The following KLRG1 variants were observed in gnomAD, a reference collection of about 807,000 sequenced individuals.
KLRG1 encodes the protein killer cell lectin like receptor G1, also known as killer cell lectin-like receptor subfamily G member 1.
KLRG1 carries 16 observed loss-of-function variants against 21.8 expected under a neutral mutation model. The ratio of observed to expected loss-of-function variants is 0.73; its 90% CI spans 0.50 to 1.11. The LOEUF is 1.11. KLRG1 is among the 50% of genes most tolerant of loss of function. KLRG1 has a pLI of 0.00. For missense variants in KLRG1, 173 were observed against 218.3 expected, an observed-to-expected ratio of 0.79 and a Z score of 1.31; for synonymous variants, 69 against 75.9, an observed-to-expected ratio of 0.91 and a Z score of 0.47.
At chr12:9,112,173 G>A in the KLRG1 span, 2 of 1,613,708 alleles carry the variant, frequency 1.2e-6, no homozygotes, top group Non-Finnish European at 1.7e-6. Flanking sequence ...TCATTCAGGG[G>A]GTGAAAGTTT....
At chr12:8,973,571 A>G (rs1946607441) in intron 1 of KLRG1, among the ~76,000 whole-genome samples, 1 of 152,238 alleles carries the variant, frequency 6.6e-6, no homozygotes, top group Non-Finnish European at 1.5e-5. Flanking sequence ...TTGGACTTCC[A>G]GAGAATATGA....
the KLRG1 span, among the ~76,000 whole-genome samples, chr12:9,162,110 C>T: frequency 3.3e-5 from 5 of 152,110 alleles, no homozygotes; most frequent in Non-Finnish European, 7.4e-5. Flanking sequence ...TACAGGCGCC[C>T]GCCACCAGGC....
chr12:8,964,114 T>C (rs1487363803), intron 1 of KLRG1, among the ~76,000 whole-genome samples: 1 of 152,230 alleles, frequency 6.6e-6, no homozygotes. Context: ...TCTAGTTCTT[T>C]TAGTTGTGAT....
At chr12:8,954,893 A>G (rs747106874) in intron 1 of KLRG1, among the ~76,000 whole-genome samples, 9 of 152,168 alleles carry the variant, frequency 5.9e-5, no homozygotes, top group Non-Finnish European at 1.3e-4. Flanking sequence ...GGCAAAATAT[A>G]TAAGTCATGA....
chr12:9,125,735 T>C, the KLRG1 span, among the ~76,000 whole-genome samples: 3 of 152,172 alleles, frequency 2.0e-5, no homozygotes, highest in Admixed American at 6.5e-5. Flanking sequence ...TTTTTGTTTG[T>C]TTGTTTGTTT....
the KLRG1 span, among the ~76,000 whole-genome samples, chr12:9,060,243 C>T: frequency 6.6e-6 from 1 of 151,660 alleles, no homozygotes; most frequent in Non-Finnish European, 1.5e-5. Flanking sequence ...AGGATGGTCT[C>T]GATCTCCTGA....
At chr12:9,191,672 T>G in the KLRG1 span, among the ~76,000 whole-genome samples, 1 of 152,166 alleles carries the variant, frequency 6.6e-6, no homozygotes, top group Non-Finnish European at 1.5e-5. Flanking sequence ...GGTTCTCTTT[T>G]CAGTGGTTTA....
the KLRG1 span, among the ~76,000 whole-genome samples, chr12:9,134,264 T>TGACTCCGGTCTC: frequency 1.3e-5 from 2 of 152,198 alleles, no homozygotes; most frequent in African/African-American, 4.8e-5. Flanking sequence ...CTCAAGTGCT[T>TGACTCCGGTCTC]GACTCCGGTC....
chr12:9,180,212 C>T, the KLRG1 span, among the ~76,000 whole-genome samples: 1 of 152,068 alleles, frequency 6.6e-6, no homozygotes, highest in Non-Finnish European at 1.5e-5. Flanking sequence ...TATACATGTG[C>T]CATGCTGGTG....
chr12:9,043,005 A>G, the KLRG1 span, among the ~76,000 whole-genome samples: 1 of 151,762 alleles, frequency 6.6e-6, no homozygotes, highest in African/African-American at 2.4e-5. Context: ...ATTTTTTTGA[A>G]TAGGAATATT....
At chr12:9,169,400 C>T in the KLRG1 span, 1 of 1,531,664 alleles carries the variant, frequency 6.5e-7, no homozygotes, top group Admixed American at 2.0e-5. Flanking sequence ...ACTCACAAGC[C>T]AGCATGTTAA....
intron 3 of KLRG1, among the ~76,000 whole-genome samples, chr12:9,008,604 A>G (rs760653803): frequency 1.3e-5 from 2 of 152,122 alleles, no homozygotes; most frequent in Non-Finnish European, 2.9e-5. Flanking sequence ...CCTGGTGAGG[A>G]CCTACTTCTG....
chr12:9,046,263 C>T, the KLRG1 span, among the ~76,000 whole-genome samples: 1 of 151,818 alleles, frequency 6.6e-6, no homozygotes, highest in Non-Finnish European at 1.5e-5. Context: ...AACTATGGGA[C>T]AATTATGAAA....
chr12:9,152,665 A>G, the KLRG1 span, among the ~76,000 whole-genome samples: 2 of 152,234 alleles, frequency 1.3e-5, no homozygotes, highest in Non-Finnish European at 2.9e-5. Flanking sequence ...TAGTAGAGAA[A>G]GGATCACGTC....
At chr12:9,008,886 T>C in intron 3 of KLRG1, 89 bp from the exon 4 acceptor site, 1 of 820,172 alleles carries the variant, frequency 1.2e-6, no homozygotes, top group South Asian at 1.7e-5. Flanking sequence ...ATTAATTACT[T>C]AACTTAGTAT....
chr12:9,098,974 A>C, the KLRG1 span, among the ~76,000 whole-genome samples: 1 of 152,216 alleles, frequency 6.6e-6, no homozygotes, highest in Non-Finnish European at 1.5e-5. Flanking sequence ...AATTATTCTT[A>C]TAAATTACTA....
chr12:8,971,192 A>G (rs1295764279), intron 1 of KLRG1: 1 of 151,902 alleles, frequency 6.6e-6, no homozygotes, highest in African/African-American at 2.4e-5. Flanking sequence ...ATAGTATGCT[A>G]TTGAAGTCAC....
At chr12:9,152,391 CCTGT>C in the KLRG1 span, 5 of 1,017,072 alleles carry the variant, frequency 4.9e-6, no homozygotes, top group African/African-American at 4.8e-5. Context: ...TCACTTTAAG[CCTGT>C]CTGTCTTCAA....
chr12:9,179,580 C>T, the KLRG1 span, among the ~76,000 whole-genome samples: 2 of 152,152 alleles, frequency 1.3e-5, no homozygotes, highest in South Asian at 4.1e-4. Flanking sequence ...TTACCACTTT[C>T]ACAGATCCCA....
Sources: gnomAD v4.1 joint callset for allele counts (sites outside exome capture counted in the v4.1 genomes callset) on GRCh38, gnomAD v4.1.1 for gene constraint, MANE v1.5 for transcripts, NCBI Gene and HGNC (gene_info 2026-07-23, HGNC 2026-07-21) for gene names.